The following NUP54 variants were observed in gnomAD, a reference collection of about 807,000 sequenced individuals.
NUP54 encodes nucleoporin 54, also known as nucleoporin p54.
In NUP54, 27 loss-of-function variants were observed where a neutral mutation model predicts 66.4. That is an observed-to-expected ratio of 0.41 (90% CI 0.30 to 0.56). The LOEUF is 0.56. NUP54 is among the 20% of genes least tolerant of loss of function. NUP54 has a pLI of 0.34. For missense variants in NUP54, 486 were observed against 596.3 expected (o/e 0.82, Z 1.93); for synonymous variants, 206 against 210.7 (o/e 0.98, Z 0.19).
At position 76,131,443 on chromosome 4, in the gene NUP54, A is replaced by C. The variant is rs577698463; in HGVS notation, c.908-159T>G. 3.4e-4 allele frequency among the ~76,000 whole-genome samples: 52 copies of C among 152,174 alleles called. 1 individual carries two copies. The highest frequency in any genetic ancestry group is 2.3e-3 in the Admixed American group (35 of 15,304). ...TAAAAATACAAATTTTTGCAGAATAAATAAAGTTCAAAAAAAGCACAGATT... is the reference window on the plus strand; with the variant it reads ...TAAAAATACAAATTTTTGCAGAATACATAAAGTTCAAAAAAAGCACAGATT... On this transcript the variant is annotated intron_variant, in intron 6 of 11. Coordinates refer to ENST00000264883, the MANE Select transcript of NUP54 (RefSeq NM_017426.4).
intron 3 of NUP54, among the ~76,000 whole-genome samples, chr4:76,140,948 C>T (rs1731244305): frequency 6.6e-6 from 1 of 152,128 alleles, no homozygotes; most frequent in Admixed American, 6.5e-5. Flanking sequence ...GTAGTGAAGA[C>T]AGAAAGAGCT....
chr4:76,129,271 GGATAT>G (rs1380331079), intron 8 of NUP54, among the ~76,000 whole-genome samples: 4 of 151,942 alleles, frequency 2.6e-5, no homozygotes, highest in East Asian at 1.9e-4. Context: ...GGATTAAGAG[GGATAT>G]GATATAATAA....
chr4:76,127,934 G>A (rs1207245029), intron 8 of NUP54, among the ~76,000 whole-genome samples: 3 of 152,120 alleles, frequency 2.0e-5, no homozygotes, highest in Admixed American at 6.5e-5. Flanking sequence ...TGGAATACAC[G>A]GGGCAGCTAT....
chr4:76,144,883 G>A (rs1030251849), intron 1 of NUP54, among the ~76,000 whole-genome samples: 4 of 152,138 alleles, frequency 2.6e-5, no homozygotes, highest in Admixed American at 2.6e-4. Context: ...TTTACTGATA[G>A]GTGGAACTGT....
At chr4:76,144,541 A>C in intron 1 of NUP54, 68 bp from the exon 2 acceptor site, 1 of 1,133,314 alleles carries the variant, frequency 8.8e-7, no homozygotes, top group East Asian at 2.7e-5. Context: ...TTCTTTTTAA[A>C]ATTATTTTAT....
At chr4:76,117,935 CT>C (rs1730025617) in intron 10 of NUP54, 139 bp downstream of exon 10, 2 of 1,026,818 alleles carry the variant, frequency 1.9e-6, no homozygotes, top group Non-Finnish European at 2.9e-6. Flanking sequence ...AGAACCATGA[CT>C]GAGTTTACTT....
chr4:76,134,037 A>G, intron 5 of NUP54, 138 bp downstream of exon 5: 1 of 593,732 alleles, frequency 1.7e-6, no homozygotes, highest in Non-Finnish European at 2.8e-6. Flanking sequence ...TTTTATCAAT[A>G]CTGAATAATC....
At chr4:76,147,619 G>A in intron 1 of NUP54, 6 of 1,289,684 alleles carry the variant, frequency 4.7e-6, no homozygotes, top group Non-Finnish European at 6.1e-6. Flanking sequence ...GGTGGAGTTG[G>A]CAGTCTCAAG....
rs73826360 is a variant in NUP54 at position 76,147,911 on chromosome 4, C to T, written c.67+397G>A. On this transcript the variant is annotated intron_variant, in intron 1 of 11. Transcript: ENST00000264883. ...AGTGCCGGTGGATCCCCAGCCCTAT[C>T]CTCGCCGAGTCCGGCAGCGGGAACC... is the stretch of plus-strand genomic sequence containing the variant. 1,955 of 280,750 alleles carry T rather than the reference C, an allele frequency of 7.0e-3. 34 individuals are homozygous for T. Among genetic ancestry groups the T allele is most frequent in the African/African-American group, 0.037 (1,681 of 45,912 alleles). The allele number at this position is 280,750 out of a possible 1,614,324, so 17.4% of individuals were successfully genotyped here.
intron 1 of NUP54, chr4:76,145,619 A>T: frequency 8.1e-7 from 1 of 1,233,302 alleles, no homozygotes; most frequent in Non-Finnish European, 1.0e-6. Flanking sequence ...ATGCTAGCCA[A>T]TCTAAAATTG....
chr4:76,127,853 A>C (rs1730610274), intron 8 of NUP54, among the ~76,000 whole-genome samples: 2 of 152,206 alleles, frequency 1.3e-5, no homozygotes, highest in Admixed American at 1.3e-4. Flanking sequence ...GAATGATTTC[A>C]GTTCTGGACA....
In NUP54 at chr4:76,124,527, T is replaced by C; in HGVS notation, c.1164+122A>G. 9.1e-6 allele frequency: 4 copies of C among 440,002 alleles called. No homozygotes were observed. In the South Asian group the frequency reaches 1.6e-4, roughly 17 times the overall value. 27.3% of individuals were successfully genotyped at this position (440,002 alleles called of 1,614,324 possible). A position where few individuals can be genotyped will look rare whatever the true frequency, so the allele number is the denominator to read the frequency against. On this transcript the variant is annotated intron_variant, in intron 9 of 11. Coordinates refer to ENST00000264883, the MANE Select transcript of NUP54 (RefSeq NM_017426.4). ...AAGTTTTACTGAAAGAATTCGGTACTTGTAATTTCACATTATTCTTTCATT... is the reference window on the plus strand; with the variant it reads ...AAGTTTTACTGAAAGAATTCGGTACCTGTAATTTCACATTATTCTTTCATT...
At chr4:76,132,809 G>T in intron 5 of NUP54, 90 bp from the exon 6 acceptor site, 2 of 940,584 alleles carry the variant, frequency 2.1e-6, no homozygotes, top group Non-Finnish European at 3.1e-6. Flanking sequence ...TTTCAGAAGG[G>T]TTTAAGTTGA....
chr4:76,115,331 G>A lies in NUP54; in HGVS notation c.*35C>T. 1 of 1,528,176 alleles carries A rather than the reference G, an allele frequency of 6.5e-7. No homozygotes were observed. The highest frequency in any genetic ancestry group is 8.8e-7 in the Non-Finnish European group (1 of 1,141,726). The allele number at this position is 1,528,176 out of a possible 1,614,324, so 94.7% of individuals were successfully genotyped here. ...GGAAGGTCTGATGCAGTAAGAAGATGCATTTCACAAACCTTTACACAAGTT... is the reference window on the plus strand; with the variant it reads ...GGAAGGTCTGATGCAGTAAGAAGATACATTTCACAAACCTTTACACAAGTT... On this transcript the variant is annotated 3_prime_UTR_variant, in exon 12 of 12. Coordinates refer to ENST00000264883, the MANE Select transcript of NUP54 (RefSeq NM_017426.4).
At position 76,131,265 on chromosome 4, in the gene NUP54, C is replaced by G. The variant is rs1730791148; in HGVS notation, c.927G>C (p.Trp309Cys). The G allele has an allele frequency of 1.3e-6, 2 of 1,591,914 alleles. No homozygotes were observed. Residue 309 changes from tryptophan to cysteine, a missense_variant, in exon 7 of 12, where the codon TGG (tryptophan) becomes TGC (cysteine). This residue lies in a region of NUP54 where 217 missense variants were observed against 247.9 expected (regional missense o/e 0.88). Transcript: ENST00000264883. ...NPPAGVDPII[W>C]EQAKVDNPDS... ...CAGGGTTATCTACCTTGGCCTGTTC[C>G]CAGATAATAGGATCAACACCTACCA...
intron 8 of NUP54, among the ~76,000 whole-genome samples, chr4:76,129,190 A>G (rs1488165241): frequency 6.6e-6 from 1 of 152,004 alleles, no homozygotes; most frequent in Non-Finnish European, 1.5e-5. Flanking sequence ...TATGCCCCAT[A>G]AATATGTAGT....
chr4:76,127,072 AT>A (rs1730570148), intron 8 of NUP54, among the ~76,000 whole-genome samples: 2 of 152,186 alleles, frequency 1.3e-5, no homozygotes, highest in Non-Finnish European at 1.5e-5. Flanking sequence ...TCACATATAT[AT>A]ATGCAAACAG....
intron 9 of NUP54, among the ~76,000 whole-genome samples, chr4:76,124,402 T>C (rs888781416): frequency 6.6e-6 from 1 of 152,186 alleles, no homozygotes; most frequent in Non-Finnish European, 1.5e-5. Context: ...TAAGATGCTT[T>C]ATTTCTTCAC....
intron 9 of NUP54, among the ~76,000 whole-genome samples, chr4:76,120,835 G>T (rs1730204833): frequency 1.3e-5 from 2 of 152,218 alleles, no homozygotes; most frequent in South Asian, 4.1e-4. Flanking sequence ...TCTATGAACT[G>T]CCTTTACACA....
Sources: gnomAD v4.1 joint callset for allele counts (sites outside exome capture counted in the v4.1 genomes callset) on GRCh38, gnomAD v4.1.1 for gene constraint, gnomAD v4.1.1 regional missense constraint, MANE v1.5 for transcripts, NCBI Gene and HGNC (gene_info 2026-07-23, HGNC 2026-07-21) for gene names.